The following GALNT17 variants were observed in gnomAD, a reference collection of about 807,000 sequenced individuals.
GALNT17 encodes the protein polypeptide N-acetylgalactosaminyltransferase 17.
Under a neutral mutation model 63.7 loss-of-function variants are expected in GALNT17, and 29 were observed. The ratio of observed to expected loss-of-function variants is 0.46; its 90% CI spans 0.34 to 0.62. The LOEUF (loss-of-function observed/expected upper bound fraction) is 0.62, where lower values mean the gene tolerates loss of function less well. GALNT17 is among the 20% of genes least tolerant of loss of function. GALNT17 has a pLI of 0.01. For missense variants in GALNT17, 603 were observed against 799.6 expected, an observed-to-expected ratio of 0.75 and a Z score of 2.97; for synonymous variants, 305 against 318.3, an observed-to-expected ratio of 0.96 and a Z score of 0.45.
At chr7:71,392,768 C>G (rs372816601) in intron 3 of GALNT17, among the ~76,000 whole-genome samples, 1 of 152,104 alleles carries the variant, frequency 6.6e-6, no homozygotes. Context: ...CGGGAGTTGA[C>G]GATATTAACA....
chr7:71,526,692 G>A (rs1788630513), intron 5 of GALNT17, among the ~76,000 whole-genome samples: 1 of 151,630 alleles, frequency 6.6e-6, no homozygotes, highest in African/African-American at 2.4e-5. Context: ...ACTGATTGTT[G>A]TATTTTTAGT....
chr7:71,637,737 C>T (rs183923417), intron 6 of GALNT17, among the ~76,000 whole-genome samples: 53 of 152,226 alleles, frequency 3.5e-4, no homozygotes, highest in East Asian at 3.3e-3. Context: ...ATCTCCTGTA[C>T]GCTGTCGCTG....
chr7:71,378,468 T>A (rs1792785135), intron 2 of GALNT17, among the ~76,000 whole-genome samples: 1 of 151,994 alleles, frequency 6.6e-6, no homozygotes, highest in East Asian at 1.9e-4. Flanking sequence ...GCTTTCAGAG[T>A]TTGAGCCCTG....
At chr7:71,365,672 C>CT (rs148125943) in intron 2 of GALNT17, among the ~76,000 whole-genome samples, 4,260 of 148,964 alleles carry the variant, frequency 0.029, 212 homozygotes, top group African/African-American at 0.098. Context: ...GTTTTAAATT[C>CT]TTTTTTTTTT....
intron 1 of GALNT17, among the ~76,000 whole-genome samples, chr7:71,263,667 T>C (rs1274993372): frequency 1.3e-5 from 2 of 152,058 alleles, no homozygotes; most frequent in East Asian, 3.9e-4. Flanking sequence ...CTCATGCCTG[T>C]AATCCCAGCA....
chr7:71,691,189 C>G (rs1237268585), intron 9 of GALNT17, among the ~76,000 whole-genome samples: 1 of 152,156 alleles, frequency 6.6e-6, no homozygotes, highest in Non-Finnish European at 1.5e-5. Flanking sequence ...GCAACCACCA[C>G]CCCGCCACCC....
chr7:71,595,661 AC>A (rs1789874596), intron 6 of GALNT17, among the ~76,000 whole-genome samples: 1 of 7,830 alleles, frequency 1.3e-4, no homozygotes, highest in Non-Finnish European at 2.1e-4. Context: ...AGAGACTGAG[AC>A]ACACACACAC....
At chr7:71,497,976 T>C (rs1788122584) in intron 5 of GALNT17, among the ~76,000 whole-genome samples, 1 of 152,146 alleles carries the variant, frequency 6.6e-6, no homozygotes, top group African/African-American at 2.4e-5. Flanking sequence ...AAAAGAATGT[T>C]TTTCAAAAAA....
rs1317078751 is a variant in GALNT17 at position 71,439,947 on chromosome 7, T to G, written c.962+18842T>G. On this transcript the variant is annotated intron_variant, in intron 5 of 10. Transcript: ENST00000333538. ...GTGTTTCATCTTCCAGGCCCTCTTTTTTTTTTTTTTTTTTTTGAGACAGAA... is the reference window on the plus strand; with the variant it reads ...GTGTTTCATCTTCCAGGCCCTCTTTGTTTTTTTTTTTTTTTTGAGACAGAA... 2.0e-5 allele frequency among the ~76,000 whole-genome samples: 3 copies of G among 149,568 alleles called. No individual in the cohort carries two copies. In the East Asian group the frequency reaches 5.9e-4, roughly 29 times the overall value.
At chr7:71,300,483 G>A (rs1369325990) in intron 1 of GALNT17, 1 of 450,458 alleles carries the variant, frequency 2.2e-6, no homozygotes, top group East Asian at 7.0e-5. Flanking sequence ...TCATGAGCTT[G>A]GACAGGATAA....
In GALNT17 at chr7:71,397,431, G is replaced by C. The variant is rs536531609; in HGVS notation, c.589+9030G>C. Among the ~76,000 whole-genome samples the C allele has an allele frequency of 1.3e-4, 20 of 152,192 alleles. 1 individual carries two copies. The highest frequency in any genetic ancestry group is 3.4e-3 in the Middle Eastern group (1 of 294). On this transcript the variant is annotated intron_variant, in intron 3 of 10. Transcript: ENST00000333538. ...CAGGTCAAAGCAGAACATGTCTTGA[G>C]AGATACGAGATATGATACAGTGAAT...
At position 71,332,530 on chromosome 7, in the gene GALNT17, T is replaced by A. The variant is rs575558734; in HGVS notation, c.239-3020T>A. Among the ~76,000 whole-genome samples, 91 of 152,320 alleles carry A rather than the reference T, an allele frequency of 6.0e-4. 1 individual carries two copies. Among genetic ancestry groups the A allele is most frequent in the African/African-American group, 2.0e-3 (85 of 41,578 alleles). ...TCTTTCTTGCAAGGTCACCTATATA[T>A]TTTAAATATTTTAAAATCGTTTTAT... On this transcript the variant is annotated intron_variant, in intron 1 of 10. Coordinates refer to ENST00000333538, the MANE Select transcript of GALNT17 (RefSeq NM_022479.3).
intron 5 of GALNT17, among the ~76,000 whole-genome samples, chr7:71,511,183 A>C (rs1015326988): frequency 6.6e-6 from 1 of 152,034 alleles, no homozygotes; most frequent in Non-Finnish European, 1.5e-5. Flanking sequence ...CCTGTCTCTA[A>C]AAAAGAGAGA....
intron 6 of GALNT17, among the ~76,000 whole-genome samples, chr7:71,583,140 A>G (rs6961931): frequency 0.68 from 102,931 of 151,952 alleles, 35,914 homozygotes; most frequent in Middle Eastern, 0.86. Flanking sequence ...GAATTTCTCA[A>G]CTGGAGTGCA....
At chr7:71,639,548 C>G (rs1200128358) in intron 6 of GALNT17, among the ~76,000 whole-genome samples, 1 of 152,112 alleles carries the variant, frequency 6.6e-6, no homozygotes, top group Admixed American at 6.5e-5. Context: ...GAGGGCTCGC[C>G]TCCAGGGAGT....
At chr7:71,325,610 A>T (rs1791691777) in intron 1 of GALNT17, among the ~76,000 whole-genome samples, 1 of 152,218 alleles carries the variant, frequency 6.6e-6, no homozygotes, top group Non-Finnish European at 1.5e-5. Flanking sequence ...GGAAGGTGGG[A>T]AGGCAGCTCA....
intron 5 of GALNT17, among the ~76,000 whole-genome samples, chr7:71,527,622 A>G (rs1235528553): frequency 6.6e-6 from 1 of 152,246 alleles, no homozygotes; most frequent in Non-Finnish European, 1.5e-5. Flanking sequence ...TGGTTTGTTA[A>G]TAAATATTTG....
At chr7:71,313,031 C>G (rs1268000552) in intron 1 of GALNT17, among the ~76,000 whole-genome samples, 1 of 152,036 alleles carries the variant, frequency 6.6e-6, no homozygotes, top group African/African-American at 2.4e-5. Flanking sequence ...ATCACTTGAG[C>G]CCAGGAGTTT....
intron 1 of GALNT17, among the ~76,000 whole-genome samples, chr7:71,271,412 G>A (rs537074796): frequency 2.0e-5 from 3 of 152,282 alleles, no homozygotes; most frequent in South Asian, 4.1e-4. Context: ...CAGTGGCCAC[G>A]TGGCTCCCTG....
Sources: gnomAD v4.1 joint callset for allele counts (sites outside exome capture counted in the v4.1 genomes callset) on GRCh38, gnomAD v4.1.1 for gene constraint, MANE v1.5 for transcripts, NCBI Gene and HGNC (gene_info 2026-07-23, HGNC 2026-07-21) for gene names.